MCTP1: variants seen among roughly 807,000 people sequenced by gnomAD.
MCTP1 encodes multiple C2 and transmembrane domain containing 1, also known as multiple C2 and transmembrane domain-containing protein 1.
MCTP1 carries 69 observed loss-of-function variants against 120.6 expected under a neutral mutation model. That is an observed-to-expected ratio of 0.57 (90% CI 0.47 to 0.70). The LOEUF (loss-of-function observed/expected upper bound fraction) is 0.70, where lower values mean the gene tolerates loss of function less well. MCTP1 is among the 30% of genes least tolerant of loss of function. MCTP1 has a pLI of 0.00. For synonymous variants in MCTP1, 529 were observed against 493.1 expected, an observed-to-expected ratio of 1.07 and a Z score of -0.96; for missense variants, 1,203 against 1,248.8, an observed-to-expected ratio of 0.96 and a Z score of 0.55.
At chr5:94,932,771 T>C (rs1378132702) in intron 5 of MCTP1, among the ~76,000 whole-genome samples, 1 of 152,004 alleles carries the variant, frequency 6.6e-6, no homozygotes, top group Non-Finnish European at 1.5e-5. Context: ...TTTACTATTA[T>C]GTTTAAGGCA....
intron 18 of MCTP1, among the ~76,000 whole-genome samples, chr5:94,790,316 G>A (rs80075452): frequency 0.045 from 6,782 of 152,302 alleles, 167 homozygotes; most frequent in African/African-American, 0.058. Context: ...GAAGGCTGGA[G>A]GCCACAGGGA....
intron 1 of MCTP1, among the ~76,000 whole-genome samples, chr5:95,104,116 A>T (rs1336384925): frequency 6.6e-6 from 1 of 152,210 alleles, no homozygotes; most frequent in Non-Finnish European, 1.5e-5. Flanking sequence ...ACAATTACTT[A>T]TTCTATAACC....
chr5:95,241,784 C>T (rs1175526546), intron 1 of MCTP1, among the ~76,000 whole-genome samples: 1 of 152,154 alleles, frequency 6.6e-6, no homozygotes, highest in Non-Finnish European at 1.5e-5. Flanking sequence ...CTGGCAGCAA[C>T]ATTCATCAAA....
intron 17 of MCTP1, among the ~76,000 whole-genome samples, chr5:94,855,731 C>T (rs13184495): frequency 0.13 from 19,274 of 151,588 alleles, 1,534 homozygotes; most frequent in East Asian, 0.33. Context: ...AAAACCATGA[C>T]GTAATCGTGA....
At chr5:95,261,814 C>A (rs564968761) in intron 1 of MCTP1, among the ~76,000 whole-genome samples, 1 of 152,344 alleles carries the variant, frequency 6.6e-6, no homozygotes, top group East Asian at 1.9e-4. Flanking sequence ...GTGGATTGGG[C>A]TGCCCTGGGA....
At chr5:95,253,393 T>G (rs529815302) in intron 1 of MCTP1, among the ~76,000 whole-genome samples, 1 of 152,186 alleles carries the variant, frequency 6.6e-6, no homozygotes, top group East Asian at 1.9e-4. Flanking sequence ...GTTTAATAAT[T>G]CCATTCAAAA....
At chr5:95,039,776 A>C (rs1841998530) in intron 1 of MCTP1, among the ~76,000 whole-genome samples, 2 of 152,124 alleles carry the variant, frequency 1.3e-5, no homozygotes, top group African/African-American at 4.8e-5. Context: ...ACAATGCAAA[A>C]AAATGCTTAG....
At chr5:94,812,604 T>C (rs1010829955) in intron 17 of MCTP1, among the ~76,000 whole-genome samples, 1 of 151,684 alleles carries the variant, frequency 6.6e-6, no homozygotes, top group Non-Finnish European at 1.5e-5. Flanking sequence ...TTAAAAGTAA[T>C]AAAATTACTA....
At chr5:95,061,219 C>T (rs1030460964) in intron 1 of MCTP1, among the ~76,000 whole-genome samples, 2 of 149,766 alleles carry the variant, frequency 1.3e-5, no homozygotes, top group South Asian at 4.2e-4. Flanking sequence ...ACTTAAGGAA[C>T]CAAATAAACA....
At chr5:94,817,434 A>T (rs901257951) in intron 17 of MCTP1, among the ~76,000 whole-genome samples, 1 of 150,996 alleles carries the variant, frequency 6.6e-6, no homozygotes, top group African/African-American at 2.5e-5. Flanking sequence ...AAACAAACAA[A>T]CAAACAAACA....
At chr5:94,995,341 A>G (rs958939339) in intron 2 of MCTP1, among the ~76,000 whole-genome samples, 1 of 152,174 alleles carries the variant, frequency 6.6e-6, no homozygotes, top group African/African-American at 2.4e-5. Flanking sequence ...GTGGGTACCA[A>G]ACTTTGAGAA....
intron 1 of MCTP1, among the ~76,000 whole-genome samples, chr5:95,199,060 C>T (rs1051062337): frequency 2.6e-5 from 4 of 152,062 alleles, no homozygotes; most frequent in East Asian, 1.9e-4. Flanking sequence ...AGTTTTTGAA[C>T]GTAGATAATA....
intron 19 of MCTP1, among the ~76,000 whole-genome samples, chr5:94,728,738 A>AT (rs1458505204): frequency 2.0e-5 from 3 of 151,788 alleles, no homozygotes; most frequent in Non-Finnish European, 4.4e-5. Flanking sequence ...TAATATTTTC[A>AT]TTTTTTCTGC....
intron 19 of MCTP1, among the ~76,000 whole-genome samples, chr5:94,747,824 C>T (rs1322303810): frequency 6.6e-6 from 1 of 152,048 alleles, no homozygotes; most frequent in Admixed American, 6.5e-5. Context: ...GGCATGGTGG[C>T]TCACGCCTGT....
intron 20 of MCTP1, among the ~76,000 whole-genome samples, chr5:94,711,743 T>C (rs1306764189): frequency 6.8e-6 from 1 of 147,502 alleles, no homozygotes; most frequent in Non-Finnish European, 1.5e-5. Context: ...AAAAAAGTAC[T>C]GAGGAGATGG....
At chr5:94,719,883 A>T (rs981626231) in intron 19 of MCTP1, among the ~76,000 whole-genome samples, 11 of 152,136 alleles carry the variant, frequency 7.2e-5, no homozygotes, top group African/African-American at 2.4e-4. Flanking sequence ...TAATCCCAGC[A>T]CTTTGGGAGG....
At chr5:94,979,419 T>A (rs915020987) in intron 2 of MCTP1, 1 of 152,116 alleles carries the variant, frequency 6.6e-6, no homozygotes, top group Non-Finnish European at 1.5e-5. Flanking sequence ...GATGGGACTT[T>A]GACTGTTTCT....
intron 17 of MCTP1, among the ~76,000 whole-genome samples, chr5:94,831,020 C>A (rs937283012): frequency 1.3e-5 from 2 of 152,074 alleles, no homozygotes; most frequent in Admixed American, 6.5e-5. Context: ...ATAATTAGAT[C>A]CAGATCCTAG....
chr5:94,824,282 T>C (rs1786414864), intron 17 of MCTP1, among the ~76,000 whole-genome samples: 1 of 152,244 alleles, frequency 6.6e-6, no homozygotes, highest in Non-Finnish European at 1.5e-5. Context: ...GAAGGCCTTT[T>C]CTCCATTTAT....
Sources: allele counts gnomAD v4.1 joint callset (sites outside exome capture counted in the v4.1 genomes callset), GRCh38; gene constraint gnomAD v4.1.1; transcripts MANE v1.5; gene names NCBI Gene and HGNC (gene_info 2026-07-23, HGNC 2026-07-21).